The following ADAMTSL1 variants were observed in gnomAD, a reference collection of about 807,000 sequenced individuals.
ADAMTSL1 encodes the protein ADAMTS-like protein 1.
ADAMTSL1 carries 126 observed loss-of-function variants against 201.8 expected under a neutral mutation model. The observed-to-expected ratio is 0.62, with a 90% CI of 0.54 to 0.72. The LOEUF (loss-of-function observed/expected upper bound fraction) is 0.72, where lower values mean the gene tolerates loss of function less well. ADAMTSL1 is among the 30% of genes least tolerant of loss of function. The probability of loss-of-function intolerance (pLI) is 0.00; values close to 1 mark genes in which losing one functional copy is unlikely to be tolerated. For synonymous variants in ADAMTSL1, 1,121 were observed against 903.4 expected, an observed-to-expected ratio of 1.24 and a Z score of -4.32; for missense variants, 2,679 against 2,277.8, an observed-to-expected ratio of 1.18 and a Z score of -3.59.
At chr9:17,974,728 G>T (rs950233801) in intron 1 of ADAMTSL1, among the ~76,000 whole-genome samples, 6 of 151,994 alleles carry the variant, frequency 3.9e-5, no homozygotes, top group African/African-American at 1.4e-4. Flanking sequence ...AATGTTTCAT[G>T]ATATATATGT....
intron 19 of ADAMTSL1, among the ~76,000 whole-genome samples, chr9:18,782,776 C>A (rs1356992601): frequency 6.6e-6 from 1 of 152,196 alleles, no homozygotes; most frequent in Admixed American, 6.5e-5. Context: ...CAGTGCCCAG[C>A]ACTGTGATGT....
chr9:18,457,386 C>G (rs1475804244), intron 2 of ADAMTSL1, among the ~76,000 whole-genome samples: 1 of 152,148 alleles, frequency 6.6e-6, no homozygotes, highest in Non-Finnish European at 1.5e-5. Context: ...GACTGGAATG[C>G]AGTGGTGTGA....
intron 20 of ADAMTSL1, among the ~76,000 whole-genome samples, chr9:18,814,485 T>C (rs991243679): frequency 2.6e-5 from 4 of 152,166 alleles, no homozygotes; most frequent in Non-Finnish European, 5.9e-5. Context: ...GGGATTAATA[T>C]TCAGAATACG....
intron 2 of ADAMTSL1, among the ~76,000 whole-genome samples, chr9:18,462,423 T>C (rs1425923891): frequency 3.3e-5 from 5 of 152,184 alleles, no homozygotes; most frequent in African/African-American, 9.6e-5. Context: ...CCTGTCCTTA[T>C]GGAGCTTACA....
chr9:18,043,232 C>T (rs150548389), intron 1 of ADAMTSL1, among the ~76,000 whole-genome samples: 21 of 152,070 alleles, frequency 1.4e-4, no homozygotes, highest in African/African-American at 4.6e-4. Context: ...TTGGAGCTTC[C>T]GAAGGTGATT....
chr9:18,064,771 T>C (rs1363957172), intron 1 of ADAMTSL1, among the ~76,000 whole-genome samples: 1 of 151,834 alleles, frequency 6.6e-6, no homozygotes, highest in Non-Finnish European at 1.5e-5. Flanking sequence ...GGGAGGGTTA[T>C]ATAATGAAAA....
intron 1 of ADAMTSL1, among the ~76,000 whole-genome samples, chr9:18,005,496 A>T (rs1819777747): frequency 6.6e-6 from 1 of 152,066 alleles, no homozygotes; most frequent in South Asian, 2.1e-4. Flanking sequence ...GCTTATTGCC[A>T]ATCCAGTCTA....
chr9:17,978,961 G>GT (rs57502483), intron 1 of ADAMTSL1, among the ~76,000 whole-genome samples: 135,889 of 148,680 alleles, frequency 0.91, 62,821 homozygotes, highest in Non-Finnish European at 0.98. Context: ...TTGGTTGACA[G>GT]TTTTTTTTTT....
chr9:18,171,464 A>G (rs565185972), intron 2 of ADAMTSL1, among the ~76,000 whole-genome samples: 1 of 152,244 alleles, frequency 6.6e-6, no homozygotes, highest in South Asian at 2.1e-4. Flanking sequence ...ATATGCTTTA[A>G]CATTCCATAA....
Position 18,506,145 on chromosome 9 carries a change from T to C in ADAMTSL1, c.191+1189T>C, listed in dbSNP as rs185871920. Among the ~76,000 whole-genome samples, 14 of 152,356 alleles carry C rather than the reference T, an allele frequency of 9.2e-5. No individual in the cohort carries two copies. In the East Asian group the frequency reaches 2.3e-3, roughly 25 times the overall value. The stretch of plus-strand genomic sequence containing the variant: ...TGATTGTATTTACCAGCAGGTTTGT[T>C]TGTCTCATTTTTGAGGCCAGCTTCG... On this transcript the variant is annotated intron_variant, in intron 2 of 28. Coordinates refer to ENST00000380548, the MANE Select transcript of ADAMTSL1 (RefSeq NM_001040272.6).
intron 2 of ADAMTSL1, among the ~76,000 whole-genome samples, chr9:18,390,727 A>G (rs1838009338): frequency 6.6e-6 from 1 of 152,164 alleles, no homozygotes; most frequent in South Asian, 2.1e-4. Context: ...TGCATTCAGC[A>G]CCAACGTTTT....
chr9:18,532,869 T>C (rs540162052), intron 2 of ADAMTSL1, among the ~76,000 whole-genome samples: 1 of 152,014 alleles, frequency 6.6e-6, no homozygotes, highest in South Asian at 2.1e-4. Flanking sequence ...TCCAATTTAT[T>C]TTCAAGATCT....
rs76361233 is a variant in ADAMTSL1, at chr9:18,694,810, T to C, written c.1574+10010T>C. On this transcript the variant is annotated intron_variant, in intron 13 of 28. Coordinates refer to ENST00000380548, the MANE Select transcript of ADAMTSL1 (RefSeq NM_001040272.6). Reference sequence around the variant, plus strand: ...CCCAGTTGAGACTCTGTGTGGGGCCTCCAATCCCACATTTCCCATCCATAC... The same window carrying C: ...CCCAGTTGAGACTCTGTGTGGGGCCCCCAATCCCACATTTCCCATCCATAC... Among the ~76,000 whole-genome samples the C allele has an allele frequency of 1.7e-4, 26 of 152,310 alleles. No homozygotes were observed. In the East Asian group the frequency reaches 3.3e-3, roughly 19 times the overall value.
intron 2 of ADAMTSL1, among the ~76,000 whole-genome samples, chr9:18,198,071 T>C (rs1051085003): frequency 4.6e-5 from 7 of 152,090 alleles, no homozygotes; most frequent in Admixed American, 2.0e-4. Context: ...AAAGCTGAAA[T>C]TGGATCCCTT....
At chr9:18,321,374 CTCTT>C (rs1432162901) in intron 2 of ADAMTSL1, among the ~76,000 whole-genome samples, 1 of 152,190 alleles carries the variant, frequency 6.6e-6, no homozygotes, top group Non-Finnish European at 1.5e-5. Context: ...TTTTTAAATG[CTCTT>C]TCTTAGTGTT....
At chr9:18,608,459 G>T (rs537412155) in intron 4 of ADAMTSL1, among the ~76,000 whole-genome samples, 5 of 152,196 alleles carry the variant, frequency 3.3e-5, no homozygotes, top group African/African-American at 7.2e-5. Flanking sequence ...TGAGTGGGGG[G>T]TTAGTGGAAT....
chr9:18,133,055 G>A (rs1417858605), intron 1 of ADAMTSL1, among the ~76,000 whole-genome samples: 1 of 152,130 alleles, frequency 6.6e-6, no homozygotes, highest in Non-Finnish European at 1.5e-5. Flanking sequence ...TCTCAGGACT[G>A]TGGAGCCAGG....
At chr9:18,024,388 G>C (rs1325733106) in intron 1 of ADAMTSL1, among the ~76,000 whole-genome samples, 3 of 151,894 alleles carry the variant, frequency 2.0e-5, no homozygotes, top group African/African-American at 7.3e-5. Flanking sequence ...GTAACCAATA[G>C]GTAGCTTCTC....
intron 2 of ADAMTSL1, among the ~76,000 whole-genome samples, chr9:18,232,309 A>C (rs772280914): frequency 6.6e-6 from 1 of 152,128 alleles, no homozygotes; most frequent in Non-Finnish European, 1.5e-5. Flanking sequence ...GCCGAATTCA[A>C]ATCTTTTCTC....
Sources: allele counts gnomAD v4.1 joint callset (sites outside exome capture counted in the v4.1 genomes callset), GRCh38; gene constraint gnomAD v4.1.1; transcripts MANE v1.5; gene names NCBI Gene and HGNC (gene_info 2026-07-23, HGNC 2026-07-21).